Variants in PAQR5 observed in about 807,000 individuals in gnomAD.
PAQR5 encodes membrane progestin receptor gamma.
In PAQR5, 20 loss-of-function variants were observed where a neutral mutation model predicts 34.5. The ratio of observed to expected loss-of-function variants is 0.58; its 90% confidence interval spans 0.41 to 0.84. The LOEUF is 0.84. PAQR5 is among the 40% of genes least tolerant of loss of function. PAQR5 has a pLI of 0.00. For synonymous variants in PAQR5, 131 were observed against 155.6 expected, an observed-to-expected ratio of 0.84 and a Z score of 1.18; for missense variants, 378 against 412.7, an observed-to-expected ratio of 0.92 and a Z score of 0.73.
intron 3 of PAQR5, among the ~76,000 whole-genome samples, chr15:69,372,421 T>A (rs917149503): frequency 6.6e-6 from 1 of 152,280 alleles, no homozygotes; most frequent in Non-Finnish European, 1.5e-5. Context: ...CACATGCCTG[T>A]AATTCCAGCT....
At chr15:69,369,064 C>A (rs1349512547) in intron 3 of PAQR5, among the ~76,000 whole-genome samples, 2 of 152,208 alleles carry the variant, frequency 1.3e-5, no homozygotes, top group African/African-American at 4.8e-5. Flanking sequence ...AGCTACTATG[C>A]CCAGCCTGTT....
intron 2 of PAQR5, among the ~76,000 whole-genome samples, chr15:69,339,783 C>T (rs1293413014): frequency 6.7e-6 from 1 of 149,958 alleles, no homozygotes; most frequent in Non-Finnish European, 1.5e-5. Context: ...CCTCCACAAT[C>T]TTTAGAATGT....
chr15:69,404,568 T>C lies in PAQR5; in HGVS notation c.*746T>C, dbSNP rs1332923917. The C allele has an allele frequency of 5.7e-6, 1 of 174,656 alleles. No homozygotes were observed. Among genetic ancestry groups the C allele is most frequent in the South Asian group, 2.0e-4 (1 of 5,036 alleles). 10.8% of individuals were successfully genotyped at this position (174,656 alleles called of 1,614,324 possible). A position where few individuals can be genotyped will look rare whatever the true frequency, so the allele number is the denominator to read the frequency against. ...GTTTGATCTGCAAAGTATTTTTCAG[T>C]GCAGGTAAAATGTGTTAAACCATAA... On this transcript the variant is annotated 3_prime_UTR_variant, in exon 9 of 9. Coordinates refer to ENST00000395407, the MANE Select transcript of PAQR5 (RefSeq NM_017705.4).
chr15:69,381,449 A>G (rs1358249216), intron 4 of PAQR5, among the ~76,000 whole-genome samples: 1 of 152,186 alleles, frequency 6.6e-6, no homozygotes, highest in Non-Finnish European at 1.5e-5. Context: ...TTCTGGATGA[A>G]TCATGGTTGA....
intron 3 of PAQR5, among the ~76,000 whole-genome samples, chr15:69,373,756 A>G (rs905388588): frequency 6.6e-6 from 1 of 152,090 alleles, no homozygotes; most frequent in Non-Finnish European, 1.5e-5. Flanking sequence ...GGCACGCTCT[A>G]TCATGTCCCA....
intron 3 of PAQR5, among the ~76,000 whole-genome samples, chr15:69,374,149 T>C (rs563497466): frequency 2.4e-4 from 37 of 152,038 alleles, no homozygotes; most frequent in African/African-American, 8.5e-4. Context: ...TGTTGTAAAT[T>C]GGCATTTTCT....
intron 2 of PAQR5, among the ~76,000 whole-genome samples, chr15:69,343,235 A>G (rs557371664): frequency 6.6e-6 from 1 of 152,208 alleles, no homozygotes; most frequent in South Asian, 2.1e-4. Context: ...TTTCCAATAT[A>G]TTTTTCAGGA....
At position 69,379,936 on chromosome 15, in the gene PAQR5, C is replaced by T. The variant is rs369349974; in HGVS notation, c.105C>T (p.Ala35=). The change falls in exon 4 of 9, where the codon GCC becomes GCT. Residue 35 remains alanine, a synonymous_variant. Transcript: ENST00000395407. ...LFGYRHPQSS[A]TACILSLFQM... ...GCTACCGCCATCCACAGAGTTCTGC[C>T]ACTGCCTGCATCCTCAGCCTTTTCC... 1.2e-5 allele frequency: 20 copies of T among 1,614,090 alleles called. No homozygotes were observed. Among genetic ancestry groups the T allele is most frequent in the Non-Finnish European group, 8.5e-7 (1 of 1,180,030 alleles).
Position 69,385,009 on chromosome 15 carries a change from C to G in PAQR5, c.385+127C>G. 1.5e-6 allele frequency: 1 copy of G among 670,730 alleles called. No individual in the cohort carries two copies. Among genetic ancestry groups the G allele is most frequent in the East Asian group, 2.7e-5 (1 of 36,768 alleles). The allele number at this position is 670,730 out of a possible 1,614,324, so 41.5% of individuals were successfully genotyped here. A position where few individuals can be genotyped will look rare whatever the true frequency, so the allele number is the denominator to read the frequency against. Reference sequence around the variant, plus strand: ...AGAATCCAGGGATTATGCCAGTGCCCCTGTCCAGGTTCCCAATGGGTGTTT... The same window carrying G: ...AGAATCCAGGGATTATGCCAGTGCCGCTGTCCAGGTTCCCAATGGGTGTTT... On this transcript the variant is annotated intron_variant, in intron 5 of 8. Transcript: ENST00000395407. The surrounding 1 kb of genome is among the most constrained non-coding windows in gnomAD (Gnocchi z 4.7).
chr15:69,335,246 C>CT (rs368833153), intron 1 of PAQR5, among the ~76,000 whole-genome samples: 95,155 of 127,792 alleles, frequency 0.74, 35,856 homozygotes, highest in South Asian at 0.84. Context: ...GAAATTTTAG[C>CT]TTTTTTTTTT....
At chr15:69,300,642 T>TC (rs1292057845) in intron 1 of PAQR5, among the ~76,000 whole-genome samples, 5 of 33,938 alleles carry the variant, frequency 1.5e-4, no homozygotes, top group East Asian at 6.6e-4. Flanking sequence ...TCTTTCTTTC[T>TC]TTCTTTCTTT....
At chr15:69,350,115 G>A (rs773904466) in intron 2 of PAQR5, among the ~76,000 whole-genome samples, 5 of 152,346 alleles carry the variant, frequency 3.3e-5, no homozygotes, top group South Asian at 2.1e-4. Context: ...AAATGCAGTG[G>A]GAATAACTGG....
chr15:69,323,742 G>T (rs1327015382), intron 1 of PAQR5, among the ~76,000 whole-genome samples: 1 of 152,170 alleles, frequency 6.6e-6, no homozygotes, highest in Non-Finnish European at 1.5e-5. Context: ...CCCTAGATTT[G>T]CTGATCTACC....
chr15:69,333,148 A>T (rs1444777816), intron 1 of PAQR5, among the ~76,000 whole-genome samples: 1 of 151,840 alleles, frequency 6.6e-6, no homozygotes, highest in Non-Finnish European at 1.5e-5. Context: ...TTATCTTGCC[A>T]ATCTTAATAC....
chr15:69,384,915 C>A, intron 5 of PAQR5, 33 bp downstream of exon 5: 1 of 1,560,250 alleles, frequency 6.4e-7, no homozygotes, highest in Non-Finnish European at 8.8e-7. Context: ...TTTCCTTCCC[C>A]TGCAACCGGG....
At position 69,370,530 on chromosome 15, in the gene PAQR5, T is replaced by C. The variant is rs141658326; in HGVS notation, c.52-9353T>C. Among the ~76,000 whole-genome samples, 476 of 152,302 alleles carry C rather than the reference T, an allele frequency of 3.1e-3. 1 individual carries two copies. Among genetic ancestry groups the C allele is most frequent in the Non-Finnish European group, 5.5e-3 (373 of 68,034 alleles). ...TTTTATTATTTACTTATTTATTTAT[T>C]TATTTTGAGACAGAGTTTCGCTCTT... On this transcript the variant is annotated intron_variant, in intron 3 of 8. Transcript: ENST00000395407.
At chr15:69,355,922 T>C (rs900180344) in intron 2 of PAQR5, among the ~76,000 whole-genome samples, 2 of 152,216 alleles carry the variant, frequency 1.3e-5, no homozygotes, top group African/African-American at 4.8e-5. Flanking sequence ...CCACAGAGAA[T>C]AATCAGCTAT....
In PAQR5 at chr15:69,359,985, C is replaced by A; in HGVS notation, c.-96C>A. 1 of 922,820 alleles carries A rather than the reference C, an allele frequency of 1.1e-6. No individual in the cohort carries two copies. The highest frequency in any genetic ancestry group is 1.8e-6 in the Non-Finnish European group (1 of 565,054). 57.2% of individuals were successfully genotyped at this position (922,820 alleles called of 1,614,324 possible). ...TTTCAGGGAAGCGGCACAGCACCAG[C>A]TAGGCAGAGACGCCCCAGGCCATGT... On this transcript the variant is annotated 5_prime_UTR_variant, in exon 3 of 9. Coordinates refer to ENST00000395407, the MANE Select transcript of PAQR5 (RefSeq NM_017705.4).
intron 2 of PAQR5, among the ~76,000 whole-genome samples, chr15:69,354,645 G>T (rs2055007741): frequency 6.6e-6 from 1 of 152,110 alleles, no homozygotes; most frequent in Non-Finnish European, 1.5e-5. Flanking sequence ...AAGTTGACAG[G>T]GGGTAGACTT....
Sources: gnomAD v4.1 joint callset for allele counts (sites outside exome capture counted in the v4.1 genomes callset) on GRCh38, gnomAD v4.1.1 for gene constraint, Gnocchi (gnomAD v3.1) non-coding constraint, MANE v1.5 for transcripts, NCBI Gene and HGNC (gene_info 2026-07-23, HGNC 2026-07-21) for gene names.